SLIT3: variants seen among roughly 807,000 people sequenced by gnomAD.
The protein encoded by SLIT3 is slit guidance ligand 3.
SLIT3 carries 68 observed loss-of-function variants against 184.0 expected under a neutral mutation model. That is an observed-to-expected ratio of 0.37 (90% confidence interval 0.30 to 0.45). The LOEUF (loss-of-function observed/expected upper bound fraction) is 0.45. Among genes scored for constraint, SLIT3 ranks in the 20% least tolerant of loss-of-function variants. The pLI, the probability that SLIT3 is intolerant of heterozygous loss-of-function variation, is 1.00. For missense variants in SLIT3, 1,707 were observed against 2,026.0 expected (o/e 0.84, Z 3.02); for synonymous variants, 831 against 828.6 (o/e 1.00, Z -0.05).
intron 4 of SLIT3, among the ~76,000 whole-genome samples, chr5:168,976,708 T>G (rs971814704): frequency 6.6e-6 from 1 of 152,186 alleles, no homozygotes; most frequent in African/African-American, 2.4e-5. Context: ...GACAGATCAG[T>G]GTAGTTTCAA....
chr5:168,805,978 T>C (rs1361234792), intron 9 of SLIT3, among the ~76,000 whole-genome samples: 1 of 152,172 alleles, frequency 6.6e-6, no homozygotes. Context: ...GAGACATTAT[T>C]TTACCTGAAG....
rs919721279 is a variant in SLIT3 at position 169,089,169 on chromosome 5, TAAA to T, written c.413+104307_413+104309del. Reference sequence around the variant, plus strand: ...ACCGCTATCTGCACACAAGTGCTAATAAAGAAATGTAGGACCCCTTCCCAACCA... The same window carrying T: ...ACCGCTATCTGCACACAAGTGCTAATGAAATGTAGGACCCCTTCCCAACCA... On this transcript the variant is annotated intron_variant, in intron 4 of 35. Transcript: ENST00000519560. 3.7e-4 allele frequency among the ~76,000 whole-genome samples: 55 copies of T among 149,892 alleles called. 2 individuals are homozygous for T. The Admixed American group carries it at 3.7e-3, about 10-fold the overall frequency.
At position 168,817,355 on chromosome 5, in the gene SLIT3, C is replaced by T; in HGVS notation, c.738G>A (p.Val246=). ...CCGCCACGTTGAAGCCCCTCAAATG[C>T]ACAGGAGCCATGCAGAGTGTGAACT... ...VGQFTLCMAP[V]HLRGFNVADV... The change falls in exon 8 of 36, where the codon GTG becomes GTA. Residue 246 remains valine (V), a synonymous_variant. Transcript: ENST00000519560. 6.2e-7 allele frequency: 1 copy of T among 1,614,218 alleles called. No individual in the cohort carries two copies. The highest frequency in any genetic ancestry group is 8.5e-7 in the Non-Finnish European group (1 of 1,180,042).
chr5:169,267,661 C>T (rs1766448408), intron 1 of SLIT3, among the ~76,000 whole-genome samples: 1 of 152,146 alleles, frequency 6.6e-6, no homozygotes, highest in Non-Finnish European at 1.5e-5. Flanking sequence ...AATAATTATA[C>T]CACAGAAACA....
At chr5:169,179,783 C>G (rs895307096) in intron 4 of SLIT3, among the ~76,000 whole-genome samples, 9 of 152,128 alleles carry the variant, frequency 5.9e-5, no homozygotes, top group African/African-American at 2.2e-4. Context: ...GAACAAAAGG[C>G]ACCTTTGACC....
chr5:168,991,913 G>C (rs12518459), intron 4 of SLIT3, among the ~76,000 whole-genome samples: 1 of 152,268 alleles, frequency 6.6e-6, no homozygotes, highest in South Asian at 2.1e-4. Flanking sequence ...TGGGGGCAAC[G>C]GCAGACCCTT....
chr5:169,252,752 G>A (rs920400608), intron 1 of SLIT3, among the ~76,000 whole-genome samples: 2 of 151,988 alleles, frequency 1.3e-5, no homozygotes, highest in African/African-American at 2.4e-5. Context: ...TCATCTCTTC[G>A]GTTTTCCTAG....
chr5:168,778,927 C>A (rs57282025), intron 12 of SLIT3, among the ~76,000 whole-genome samples: 13,162 of 152,208 alleles, frequency 0.086, 806 homozygotes, highest in South Asian at 0.27. Flanking sequence ...ATCCAGTGAT[C>A]TTTTGGGGCC....
In SLIT3 at chr5:168,711,072, C is replaced by T; in HGVS notation, c.2556-14G>A. 3 of 1,550,794 alleles carry T rather than the reference C, an allele frequency of 1.9e-6. No individual in the cohort carries two copies. Among genetic ancestry groups the T allele is most frequent in the Middle Eastern group, 1.7e-4 (1 of 5,880 alleles). On this transcript the variant is annotated splice_polypyrimidine_tract_variant and intron_variant, in intron 24 of 35. Transcript: ENST00000519560. ...GTTCCCAGCGCCCTAGGAGGCAGAA[C>T]AGGAAGTCAGGGCCCCCTGCCCAGC... is the stretch of plus-strand genomic sequence containing the variant.
intron 14 of SLIT3, among the ~76,000 whole-genome samples, chr5:168,766,283 G>T (rs568812384): frequency 1.6e-4 from 24 of 152,310 alleles, no homozygotes; most frequent in African/African-American, 5.1e-4. Context: ...TGGAATAAAA[G>T]AAAGGAGGAA....
In SLIT3 at chr5:168,712,300, G is replaced by A. The variant is rs373633368; in HGVS notation, c.2538C>T (p.Leu846=). ...SSVPEGSFND[L]TSLSHLALGT... ...CTACTTACAGATGGGAAAGAGATGT[G>A]AGGTCGTTGAAGGAGCCTTCAGGAA... Residue 846 remains leucine, a synonymous_variant, in exon 24 of 36, where the codon CTC becomes CTT. Coordinates refer to ENST00000519560, the MANE Select transcript of SLIT3 (RefSeq NM_003062.4). 4 of 1,613,928 alleles carry A rather than the reference G, an allele frequency of 2.5e-6. No individual in the cohort carries two copies. Among genetic ancestry groups the A allele is most frequent in the African/African-American group, 2.7e-5 (2 of 74,938 alleles).
At chr5:169,017,404 A>C (rs1756426922) in intron 4 of SLIT3, among the ~76,000 whole-genome samples, 1 of 152,198 alleles carries the variant, frequency 6.6e-6, no homozygotes, top group African/African-American at 2.4e-5. Context: ...TTAACGAAAG[A>C]GCTAAAAAGA....
At chr5:169,004,021 A>T (rs143242200) in intron 4 of SLIT3, among the ~76,000 whole-genome samples, 94 of 152,282 alleles carry the variant, frequency 6.2e-4, no homozygotes, top group African/African-American at 2.1e-3. Flanking sequence ...TCATCAGCAT[A>T]ATCCAAGAAT....
At chr5:168,895,816 T>C (rs1274441709) in intron 4 of SLIT3, among the ~76,000 whole-genome samples, 1 of 152,204 alleles carries the variant, frequency 6.6e-6, no homozygotes, top group East Asian at 1.9e-4. Context: ...TCAATAGATT[T>C]ACACCAAGTT....
chr5:169,255,523 C>A (rs764799308), intron 1 of SLIT3, among the ~76,000 whole-genome samples: 2 of 151,406 alleles, frequency 1.3e-5, no homozygotes, highest in Non-Finnish European at 2.9e-5. Flanking sequence ...TTTTTGTATA[C>A]CTATACAGTT....
chr5:168,685,363 T>A (rs1761711221), intron 31 of SLIT3, among the ~76,000 whole-genome samples: 1 of 152,238 alleles, frequency 6.6e-6, no homozygotes, highest in South Asian at 2.1e-4. Flanking sequence ...CTTGGATTAG[T>A]GGATAGGCCT....
At chr5:169,060,648 C>T (rs1205013590) in intron 4 of SLIT3, among the ~76,000 whole-genome samples, 1 of 152,224 alleles carries the variant, frequency 6.6e-6, no homozygotes, top group African/African-American at 2.4e-5. Context: ...CTCCTCTTCT[C>T]TATTGCACCA....
chr5:169,194,233 CAAAAAAAAAAAAAAAAAAA>C (rs10571842), intron 3 of SLIT3, among the ~76,000 whole-genome samples: 1 of 61,382 alleles, frequency 1.6e-5, no homozygotes, highest in Non-Finnish European at 2.7e-5. Flanking sequence ...GACTCTGTCT[CAAAAAAAAAAAAAAAAAAA>C]AAAAAAAAAA....
chr5:168,673,122 A>G (rs778946222), intron 33 of SLIT3, 55 bp downstream of exon 33: 46 of 1,559,428 alleles, frequency 2.9e-5, no homozygotes, highest in Non-Finnish European at 4.1e-5. Flanking sequence ...GGGTTTCTGT[A>G]CTGGAGCACA....
Sources: gnomAD v4.1 joint callset for allele counts (sites outside exome capture counted in the v4.1 genomes callset) on GRCh38, gnomAD v4.1.1 for gene constraint, MANE v1.5 for transcripts, NCBI Gene and HGNC (gene_info 2026-07-23, HGNC 2026-07-21) for gene names.